LYN: variants seen among roughly 807,000 people sequenced by gnomAD.
The protein encoded by LYN is tyrosine-protein kinase Lyn.
LYN carries 12 observed loss-of-function variants against 65.0 expected under a neutral mutation model. That is an observed-to-expected ratio of 0.18 (90% CI 0.12 to 0.30). The LOEUF is 0.30. Ranked by LOEUF, LYN falls within the 10% of genes least tolerant of loss-of-function variation. LYN has a pLI of 1.00. For missense variants in LYN, 380 were observed against 623.2 expected (o/e 0.61, Z 4.16); for synonymous variants, 222 against 221.2 (o/e 1.00, Z -0.03).
At chr8:55,970,550 T>C (rs185676302) in intron 10 of LYN, among the ~76,000 whole-genome samples, 1 of 152,310 alleles carries the variant, frequency 6.6e-6, no homozygotes, top group Non-Finnish European at 1.5e-5. Flanking sequence ...CCAGTGTATG[T>C]AGCAAAAGAG....
rs1267173187 is a variant in LYN, at chr8:55,911,084, T to C, written c.-5-30771T>C. On this transcript the variant is annotated intron_variant, in intron 1 of 12. Coordinates refer to ENST00000519728, the MANE Select transcript of LYN (RefSeq NM_002350.4). ...GCTAATTTATATATATATACATACA[T>C]ATATATATATATATACATACACGTA... Among the ~76,000 whole-genome samples, 4 of 14,850 alleles carry C rather than the reference T, an allele frequency of 2.7e-4. 1 individual carries two copies. The highest frequency in any genetic ancestry group is 2.0e-3 in the African/African-American group (4 of 2,014). The allele number at this position is 14,850 out of a possible 152,430, so 9.7% of individuals were successfully genotyped here. A position where few individuals can be genotyped will look rare whatever the true frequency, so the allele number is the denominator to read the frequency against.
intron 1 of LYN, among the ~76,000 whole-genome samples, chr8:55,928,177 G>T (rs562941303): frequency 6.6e-6 from 1 of 152,130 alleles, no homozygotes; most frequent in Admixed American, 6.6e-5. Flanking sequence ...ACAGAATCTC[G>T]CTCTGTTGCC....
At chr8:55,880,124 C>A in intron 1 of LYN, 21 bp downstream of exon 1, 1 of 255,444 alleles carries the variant, frequency 3.9e-6, no homozygotes, top group Non-Finnish European at 7.8e-6. Context: ...TGCGCGAGCC[C>A]AGGGGTGGGC....
chr8:55,972,805 C>T (rs565862154), intron 10 of LYN, among the ~76,000 whole-genome samples: 19 of 152,186 alleles, frequency 1.2e-4, no homozygotes, highest in Non-Finnish European at 2.2e-4. Context: ...ACCTTCCCCC[C>T]ACTTTACTAT....
At chr8:56,008,412 C>T (rs1228982822) in intron 12 of LYN, among the ~76,000 whole-genome samples, 1 of 152,156 alleles carries the variant, frequency 6.6e-6, no homozygotes, top group Non-Finnish European at 1.5e-5. Context: ...TGGAGCCCCT[C>T]TCATATGCCA....
chr8:55,939,836 C>T (rs1327810722), intron 1 of LYN, among the ~76,000 whole-genome samples: 1 of 152,188 alleles, frequency 6.6e-6, no homozygotes, highest in Non-Finnish European at 1.5e-5. Context: ...ACTTAGAGAT[C>T]AACTCTAAAC....
chr8:55,882,183 TG>T (rs1804669828), intron 1 of LYN, among the ~76,000 whole-genome samples: 1 of 152,168 alleles, frequency 6.6e-6, no homozygotes. Context: ...GTGGTTAAGA[TG>T]TTTCCTGCAA....
intron 1 of LYN, among the ~76,000 whole-genome samples, chr8:55,891,588 A>C (rs1218067030): frequency 6.6e-6 from 1 of 152,172 alleles, no homozygotes; most frequent in East Asian, 1.9e-4. Context: ...TCAGTTTTGC[A>C]AGATGAAAAG....
chr8:55,906,774 T>C (rs1258425456), intron 1 of LYN, among the ~76,000 whole-genome samples: 2 of 151,910 alleles, frequency 1.3e-5, no homozygotes, highest in East Asian at 3.9e-4. Context: ...AAATGAAATG[T>C]ATCCCAGTTG....
chr8:55,926,093 T>G (rs770077634), intron 1 of LYN, among the ~76,000 whole-genome samples: 5 of 152,266 alleles, frequency 3.3e-5, no homozygotes, highest in Non-Finnish European at 5.9e-5. Flanking sequence ...TCAAGGTGAT[T>G]CTTGCACATA....
rs1222234348 is a variant in LYN at position 56,010,059 on chromosome 8, C to T, written c.1488C>T (p.Val496=). ...CAACGTTTGACTACTTACAGAGCGT[C>T]CTGGATGATTTCTACACAGCCACGG... The part of the protein sequence containing the change: ...ERPTFDYLQS[V]LDDFYTATEG... Residue 496 remains valine, a synonymous_variant, in exon 13 of 13, where the codon GTC becomes GTT. Coordinates refer to ENST00000519728, the MANE Select transcript of LYN (RefSeq NM_002350.4). The T allele has an allele frequency of 8.1e-6, 13 of 1,613,966 alleles. No individual in the cohort carries two copies. Among genetic ancestry groups the T allele is most frequent in the Non-Finnish European group, 1.0e-5 (12 of 1,180,026 alleles).
At chr8:56,002,604 AAAATTAAATT>A (rs56143558) in intron 12 of LYN, among the ~76,000 whole-genome samples, 3,899 of 145,106 alleles carry the variant, frequency 0.027, 176 homozygotes, top group African/African-American at 0.095. Context: ...CTCCATCTCA[AAAATTAAATT>A]AAATTAAATT....
At chr8:55,927,276 A>G (rs1217390530) in intron 1 of LYN, among the ~76,000 whole-genome samples, 1 of 152,034 alleles carries the variant, frequency 6.6e-6, no homozygotes, top group Non-Finnish European at 1.5e-5. Flanking sequence ...TCTGGCAACC[A>G]CTGATCTTTT....
intron 10 of LYN, among the ~76,000 whole-genome samples, chr8:55,979,507 CA>C (rs1585661393): frequency 1.3e-5 from 2 of 152,180 alleles, no homozygotes; most frequent in East Asian, 3.9e-4. Context: ...TGTAGCTATG[CA>C]TTTGTGTCTG....
intron 12 of LYN, among the ~76,000 whole-genome samples, chr8:56,008,116 C>A (rs1222322782): frequency 1.2e-5 from 1 of 80,588 alleles, no homozygotes; most frequent in Non-Finnish European, 2.4e-5. Context: ...GAGACTCTGC[C>A]TCAAAAAAAA....
intron 1 of LYN, among the ~76,000 whole-genome samples, chr8:55,915,573 G>A (rs1805759601): frequency 6.6e-6 from 1 of 152,182 alleles, no homozygotes; most frequent in South Asian, 2.1e-4. Flanking sequence ...GGGCATGGTG[G>A]CGGATGCCTG....
At chr8:55,893,841 G>C (rs1182647157) in intron 1 of LYN, 1 of 151,890 alleles carries the variant, frequency 6.6e-6, no homozygotes, top group African/African-American at 2.4e-5. Context: ...GCCCAGGCTA[G>C]AGTGCACTGG....
At chr8:55,956,254 T>C (rs1807107956) in intron 8 of LYN, among the ~76,000 whole-genome samples, 1 of 152,190 alleles carries the variant, frequency 6.6e-6, no homozygotes, top group Admixed American at 6.5e-5. Context: ...ATTGTCCTAA[T>C]TTTCTTGTTC....
intron 8 of LYN, among the ~76,000 whole-genome samples, chr8:55,965,574 C>A (rs1297281918): frequency 1.3e-5 from 2 of 152,094 alleles, no homozygotes; most frequent in Admixed American, 6.5e-5. Context: ...ATATGGTGAA[C>A]AAAATTAAAA....
Sources: allele counts gnomAD v4.1 joint callset (sites outside exome capture counted in the v4.1 genomes callset), GRCh38; gene constraint gnomAD v4.1.1; transcripts MANE v1.5; gene names NCBI Gene and HGNC (gene_info 2026-07-23, HGNC 2026-07-21).